The following HIVEP3 variants were observed in gnomAD, a reference collection of about 807,000 sequenced individuals.
The protein encoded by HIVEP3 is transcription factor HIVEP3.
A neutral mutation model predicts 152.8 loss-of-function variants in HIVEP3; 49 were observed. The ratio of observed to expected loss-of-function variants is 0.32; its 90% CI spans 0.26 to 0.41. HIVEP3 has a LOEUF of 0.41. Among genes scored for constraint, HIVEP3 ranks in the 10% least tolerant of loss-of-function variants. HIVEP3 has a pLI of 1.00. For synonymous variants in HIVEP3, 1,269 were observed against 1,289.0 expected, an observed-to-expected ratio of 0.98 and a Z score of 0.33; for missense variants, 2,790 against 3,103.3, an observed-to-expected ratio of 0.90 and a Z score of 2.40.
intron 1 of HIVEP3, among the ~76,000 whole-genome samples, chr1:41,999,549 G>T (rs1042544989): frequency 6.6e-6 from 1 of 151,994 alleles, no homozygotes; most frequent in African/African-American, 2.4e-5. Context: ...AGGACACATG[G>T]GTCACTTGGA....
At chr1:41,686,727 C>T (rs1646121463) in intron 2 of HIVEP3, among the ~76,000 whole-genome samples, 1 of 152,124 alleles carries the variant, frequency 6.6e-6, no homozygotes, top group African/African-American at 2.4e-5. Flanking sequence ...AGTTCTGAGA[C>T]CCCAGAACCC....
intron 1 of HIVEP3, among the ~76,000 whole-genome samples, chr1:41,760,685 G>A (rs1647611703): frequency 6.6e-6 from 1 of 152,204 alleles, no homozygotes; most frequent in African/African-American, 2.4e-5. Context: ...TGGGGCTTGG[G>A]GGCCCTCTCC....
chr1:42,016,575 C>G (rs1645524383), intron 1 of HIVEP3, among the ~76,000 whole-genome samples: 1 of 151,652 alleles, frequency 6.6e-6, no homozygotes, highest in Non-Finnish European at 1.5e-5. Context: ...ATATTTTTGA[C>G]TATATGTGAT....
chr1:41,518,550 G>T, intron 6 of HIVEP3, 62 bp from the exon 7 acceptor site: 2 of 1,450,950 alleles, frequency 1.4e-6, no homozygotes, highest in Non-Finnish European at 1.9e-6. Flanking sequence ...CGGACCCAGG[G>T]CTCATGGAGG....
Position 41,758,940 on chromosome 1 carries a change from G to A in HIVEP3, c.-800-57945C>T, listed in dbSNP as rs551968212. The stretch of plus-strand genomic sequence containing the variant: ...TCACTCCCATCTTTTTTAAATTGTC[G>A]TAAAAGATACATAACATTTGCCATT... On this transcript the variant is annotated intron_variant, in intron 1 of 8. Transcript: ENST00000372583. Among the ~76,000 whole-genome samples, 136 of 152,114 alleles carry A rather than the reference G, an allele frequency of 8.9e-4. 1 individual carries two copies. The highest frequency in any genetic ancestry group is 2.6e-3 in the African/African-American group (107 of 41,500).
At chr1:41,674,672 C>T (rs79947601) in intron 2 of HIVEP3, among the ~76,000 whole-genome samples, 13 of 152,180 alleles carry the variant, frequency 8.5e-5, no homozygotes, top group Admixed American at 2.6e-4. Context: ...CAGCCCCACC[C>T]GGCTGCCGGC....
chr1:41,980,258 C>T (rs1645287033), intron 1 of HIVEP3, among the ~76,000 whole-genome samples: 1 of 152,216 alleles, frequency 6.6e-6, no homozygotes, highest in Admixed American at 6.5e-5. Context: ...TTGTAATTGA[C>T]TGTTTATGGT....
intron 2 of HIVEP3, among the ~76,000 whole-genome samples, chr1:41,683,933 G>C (rs1173822819): frequency 6.6e-6 from 1 of 152,230 alleles, no homozygotes; most frequent in Non-Finnish European, 1.5e-5. Context: ...AACTCAGCAA[G>C]TTGTGTGGGG....
At position 41,532,393 on chromosome 1, in the gene HIVEP3, G is replaced by C. The variant is rs988519942; in HGVS notation, c.5208-7483C>G. On this transcript the variant is annotated intron_variant, in intron 5 of 8. Coordinates refer to ENST00000372583, the MANE Select transcript of HIVEP3 (RefSeq NM_024503.5). The stretch of plus-strand genomic sequence containing the variant: ...GCAACGGCAGAGTGTTGAGAGCCTG[G>C]AGTATTTGGTTGCAGAGAGGAGATG... Among the ~76,000 whole-genome samples the C allele has an allele frequency of 2.0e-5, 3 of 152,104 alleles. No individual in the cohort carries two copies. The East Asian group carries it at 5.8e-4, about 29-fold the overall frequency.
At chr1:41,741,748 T>C (rs1241120393) in intron 1 of HIVEP3, among the ~76,000 whole-genome samples, 2 of 152,238 alleles carry the variant, frequency 1.3e-5, no homozygotes, top group South Asian at 2.1e-4. Context: ...CATTTCTGGC[T>C]CAACCACTGA....
At chr1:42,022,131 G>A (rs1158486453) in intron 1 of HIVEP3, among the ~76,000 whole-genome samples, 2 of 152,120 alleles carry the variant, frequency 1.3e-5, no homozygotes, top group Non-Finnish European at 2.9e-5. Flanking sequence ...ACCCCAAACT[G>A]GCTTAATTAC....
intron 3 of HIVEP3, among the ~76,000 whole-genome samples, chr1:41,586,332 G>GACTCCAT (rs1644506453): frequency 6.6e-6 from 1 of 152,168 alleles, no homozygotes; most frequent in African/African-American, 2.4e-5. Context: ...AGTCACCATG[G>GACTCCAT]ACTCCATCTC....
chr1:41,912,512 C>T (rs918388188), intron 1 of HIVEP3, among the ~76,000 whole-genome samples: 5 of 152,312 alleles, frequency 3.3e-5, no homozygotes, highest in Admixed American at 2.6e-4. Flanking sequence ...ATTCTAAGAG[C>T]TTCTCCCCAG....
chr1:41,910,767 G>A (rs1271159500), intron 1 of HIVEP3, among the ~76,000 whole-genome samples: 1 of 151,870 alleles, frequency 6.6e-6, no homozygotes, highest in Non-Finnish European at 1.5e-5. Flanking sequence ...AAATGCAGAG[G>A]AAGTATTTAA....
At chr1:41,586,281 G>A (rs1375435200) in intron 3 of HIVEP3, among the ~76,000 whole-genome samples, 1 of 152,178 alleles carries the variant, frequency 6.6e-6, no homozygotes, top group Non-Finnish European at 1.5e-5. Flanking sequence ...GCATCCTCAG[G>A]GCCCTCCTCC....
chr1:41,816,648 C>T (rs1651284820), intron 1 of HIVEP3, among the ~76,000 whole-genome samples: 1 of 152,228 alleles, frequency 6.6e-6, no homozygotes, highest in Non-Finnish European at 1.5e-5. Context: ...CACTGCACTC[C>T]AGCCTGGGCA....
intron 3 of HIVEP3, among the ~76,000 whole-genome samples, chr1:41,610,388 T>C (rs981642898): frequency 2.6e-5 from 4 of 152,264 alleles, no homozygotes; most frequent in African/African-American, 9.6e-5. Context: ...AGGGTTCTTT[T>C]AGGCCAAGGA....
intron 1 of HIVEP3, among the ~76,000 whole-genome samples, chr1:41,974,486 TACACAC>T (rs66882363): frequency 3.2e-3 from 435 of 134,282 alleles, no homozygotes; most frequent in African/African-American, 0.011. Context: ...CTCCACCCCC[TACACAC>T]ACACACACAC....
At chr1:41,674,405 C>A (rs1022643963) in intron 2 of HIVEP3, among the ~76,000 whole-genome samples, 32 of 152,248 alleles carry the variant, frequency 2.1e-4, no homozygotes, top group African/African-American at 7.7e-4. Flanking sequence ...GGCATTCATG[C>A]TTACAGCCTG....
Sources: gnomAD v4.1 joint callset for allele counts (sites outside exome capture counted in the v4.1 genomes callset) on GRCh38, gnomAD v4.1.1 for gene constraint, MANE v1.5 for transcripts, NCBI Gene and HGNC (gene_info 2026-07-23, HGNC 2026-07-21) for gene names.